ZNF532: variants seen among roughly 807,000 people sequenced by gnomAD.
ZNF532 encodes zinc finger protein 532.
A neutral mutation model predicts 89.3 loss-of-function variants in ZNF532; 22 were observed. The ratio of observed to expected loss-of-function variants is 0.25; its 90% CI spans 0.18 to 0.35. The LOEUF (loss-of-function observed/expected upper bound fraction) is 0.35. Ranked by LOEUF, ZNF532 falls within the 10% of genes least tolerant of loss-of-function variation. ZNF532 has a pLI of 1.00. For missense variants in ZNF532, 1,132 were observed against 1,643.4 expected (o/e 0.69, Z 5.38); for synonymous variants, 606 against 649.6 (o/e 0.93, Z 1.02).
At chr18:58,894,792 TA>T (rs2059140825) in intron 2 of ZNF532, among the ~76,000 whole-genome samples, 2 of 152,230 alleles carry the variant, frequency 1.3e-5, no homozygotes, top group South Asian at 4.1e-4. Context: ...GCATATTTTC[TA>T]GGTTAATGTT....
chr18:58,912,206 C>A lies in ZNF532; in HGVS notation c.-17-6065C>A, dbSNP rs1237895231. On this transcript the variant is annotated intron_variant, in intron 2 of 9. Coordinates refer to ENST00000591808, the MANE Select transcript of ZNF532 (RefSeq NM_001375912.1). ...CAGTTTGAATTTCAGATCAGGAAAT[C>A]TGTTATATTTCAGATCAGGAATATC... Among the ~76,000 whole-genome samples, 5 of 152,116 alleles carry A rather than the reference C, an allele frequency of 3.3e-5. No homozygotes were observed. In the East Asian group the frequency reaches 9.6e-4, roughly 29 times the overall value.
intron 2 of ZNF532, among the ~76,000 whole-genome samples, chr18:58,900,359 T>A (rs1425743564): frequency 1.3e-5 from 2 of 152,176 alleles, no homozygotes; most frequent in Non-Finnish European, 2.9e-5. Context: ...TCTGTTCTGG[T>A]TTCTGTCTCA....
intron 2 of ZNF532, among the ~76,000 whole-genome samples, chr18:58,869,835 C>T (rs1019555029): frequency 6.4e-5 from 9 of 141,074 alleles, no homozygotes; most frequent in African/African-American, 1.9e-4. Context: ...GGCGTGATCT[C>T]GGCTCACTGC....
chr18:58,973,975 C>T (rs1014176315), intron 7 of ZNF532, among the ~76,000 whole-genome samples: 5 of 151,892 alleles, frequency 3.3e-5, no homozygotes, highest in African/African-American at 4.8e-5. Context: ...CTGCTAAGAG[C>T]GGGGTCGAGG....
chr18:58,927,021 C>T (rs1408949357), intron 3 of ZNF532, among the ~76,000 whole-genome samples: 2 of 152,138 alleles, frequency 1.3e-5, no homozygotes, highest in Non-Finnish European at 2.9e-5. Context: ...TTGATACTCA[C>T]TTTTTAAAGA....
intron 2 of ZNF532, among the ~76,000 whole-genome samples, chr18:58,905,734 C>T (rs975203985): frequency 6.6e-5 from 10 of 152,340 alleles, no homozygotes; most frequent in Admixed American, 3.9e-4. Context: ...AGCAACCAAC[C>T]ACCAACAACT....
intron 2 of ZNF532, among the ~76,000 whole-genome samples, chr18:58,892,819 C>T (rs1001498854): frequency 2.6e-5 from 4 of 152,162 alleles, no homozygotes; most frequent in Non-Finnish European, 5.9e-5. Flanking sequence ...AGAACTCATA[C>T]AAGAGAATTC....
At position 58,918,439 on chromosome 18, in the gene ZNF532, C is replaced by G. The variant is rs1175821878; in HGVS notation, c.152C>G (p.Ser51Cys). ...CAGAATGCTCACGGAGAGGATGACTCCCACGCACCATCATCTTCTGATGTG... is the reference window on the plus strand; with the variant it reads ...CAGAATGCTCACGGAGAGGATGACTGCCACGCACCATCATCTTCTGATGTG... ...MKQNAHGEDD[S>C]HAPSSSDVGV... The change falls in exon 3 of 10, where the codon TCC becomes TGC. Residue 51 changes from serine (S) to cysteine (C), a missense_variant. Around this residue, in one of 9 missense-constraint regions of ZNF532, gnomAD observed 302 missense variants for 319.8 expected, o/e 0.94. Transcript: ENST00000591808. The G allele has an allele frequency of 6.2e-7, 1 of 1,614,196 alleles. No individual in the cohort carries two copies. The highest frequency in any genetic ancestry group is 1.7e-5 in the Admixed American group (1 of 60,022).
intron 2 of ZNF532, among the ~76,000 whole-genome samples, chr18:58,874,283 C>G (rs1419342057): frequency 6.6e-6 from 1 of 152,094 alleles, no homozygotes; most frequent in Non-Finnish European, 1.5e-5. Flanking sequence ...TCCTACTTGG[C>G]TCTACTTTCA....
chr18:58,867,584 A>AG (rs1298704695), intron 2 of ZNF532, among the ~76,000 whole-genome samples: 1 of 152,114 alleles, frequency 6.6e-6, no homozygotes, highest in Non-Finnish European at 1.5e-5. Flanking sequence ...TGGGAGAGCC[A>AG]GGGGGGACCC....
intron 2 of ZNF532, among the ~76,000 whole-genome samples, chr18:58,905,684 G>A (rs894488364): frequency 7.9e-5 from 12 of 152,016 alleles, no homozygotes; most frequent in African/African-American, 2.2e-4. Context: ...ATGCTTGGCC[G>A]GTTCTCTTTA....
chr18:58,906,927 A>G (rs2059968284), intron 2 of ZNF532, among the ~76,000 whole-genome samples: 1 of 152,198 alleles, frequency 6.6e-6, no homozygotes, highest in Admixed American at 6.5e-5. Flanking sequence ...AACCATAGTG[A>G]AATAGTTAAA....
intron 2 of ZNF532, among the ~76,000 whole-genome samples, chr18:58,884,117 G>A (rs765636181): frequency 2.0e-5 from 3 of 152,244 alleles, no homozygotes; most frequent in Admixed American, 6.5e-5. Context: ...AGTGGCTTAC[G>A]CCTGTAATCC....
At chr18:58,868,478 A>G (rs987758104) in intron 2 of ZNF532, among the ~76,000 whole-genome samples, 9 of 152,182 alleles carry the variant, frequency 5.9e-5, no homozygotes, top group Non-Finnish European at 1.3e-4. Flanking sequence ...GCCCCTCTGT[A>G]GTCAGCCTCT....
intron 7 of ZNF532, among the ~76,000 whole-genome samples, chr18:58,976,768 G>A (rs1277097609): frequency 6.6e-6 from 1 of 152,114 alleles, no homozygotes; most frequent in Non-Finnish European, 1.5e-5. Context: ...CCTGACCTCA[G>A]GTGATCCAAA....
chr18:58,903,799 C>T (rs1402543401), intron 2 of ZNF532, among the ~76,000 whole-genome samples: 1 of 152,122 alleles, frequency 6.6e-6, no homozygotes, highest in African/African-American at 2.4e-5. Flanking sequence ...CAGATTTGAA[C>T]CTCTCTGAAG....
chr18:58,932,772 C>T (rs1318393388), intron 3 of ZNF532, among the ~76,000 whole-genome samples: 2 of 152,046 alleles, frequency 1.3e-5, no homozygotes, highest in South Asian at 2.1e-4. Flanking sequence ...ATTTAAAATA[C>T]CTAGCTTACC....
intron 7 of ZNF532, among the ~76,000 whole-genome samples, chr18:58,965,409 T>A (rs2147293247): frequency 6.6e-6 from 1 of 152,374 alleles, no homozygotes; most frequent in South Asian, 2.1e-4. Context: ...TTTTGCAGCC[T>A]GCCAGAGGCA....
intron 8 of ZNF532, 68 bp from the exon 9 acceptor site, chr18:58,981,402 C>T (rs2067750808): frequency 6.4e-7 from 1 of 1,567,588 alleles, no homozygotes; most frequent in Non-Finnish European, 8.6e-7. Flanking sequence ...GGACCTTCGA[C>T]CGTGAGTTCT....
Sources: gnomAD v4.1 joint callset for allele counts (sites outside exome capture counted in the v4.1 genomes callset) on GRCh38, gnomAD v4.1.1 for gene constraint, gnomAD v4.1.1 regional missense constraint, MANE v1.5 for transcripts, NCBI Gene and HGNC (gene_info 2026-07-23, HGNC 2026-07-21) for gene names.